Variants in PKHD1L1 observed in about 807,000 individuals in gnomAD.
PKHD1L1 encodes the protein fibrocystin-L.
PKHD1L1 carries 434 observed loss-of-function variants against 462.9 expected under a neutral mutation model. The observed-to-expected ratio is 0.94, with a 90% CI of 0.87 to 1.02. The LOEUF (loss-of-function observed/expected upper bound fraction) is 1.02. Ranked by LOEUF, PKHD1L1 falls within the 50% of genes least tolerant of loss-of-function variation. PKHD1L1 has a pLI of 0.00. For synonymous variants in PKHD1L1, 1,781 were observed against 1,750.0 expected (o/e 1.02, Z -0.44); for missense variants, 5,202 against 5,096.1 (o/e 1.02, Z -0.63).
chr8:109,483,242 G>A (rs1006403356), intron 57 of PKHD1L1, 137 bp downstream of exon 57: 36 of 589,676 alleles, frequency 6.1e-5, no homozygotes, highest in Non-Finnish European at 9.6e-5. Context: ...CAATAAGCTT[G>A]CAAAAATGTA....
At position 109,465,081 on chromosome 8, in the gene PKHD1L1, A is replaced by G. The variant is rs1164097628; in HGVS notation, c.8249A>G (p.Asn2750Ser). ...SVHFMNFDRP[N>S]CVALGVTSIS... ...CACTTTATGAACTTTGACCGTCCCA[A>G]CTGTGTAGCTTTGGGAGTGACATCC... The change falls in exon 49 of 78, where the codon AAC becomes AGC. Residue 2750 changes from asparagine to serine, a missense_variant. By Grantham distance (46) the Asn-to-Ser change is conservative. Coordinates refer to ENST00000378402, the MANE Select transcript of PKHD1L1 (RefSeq NM_177531.6). 2 of 1,613,684 alleles carry G rather than the reference A, an allele frequency of 1.2e-6. No individual in the cohort carries two copies. Among genetic ancestry groups the G allele is most frequent in the Non-Finnish European group, 1.7e-6 (2 of 1,179,792 alleles).
chr8:109,415,565 G>A (rs1182467676), intron 21 of PKHD1L1, among the ~76,000 whole-genome samples: 2 of 152,082 alleles, frequency 1.3e-5, no homozygotes, highest in Admixed American at 6.5e-5. Context: ...TGGCAGAAAG[G>A]TGACAAAAGA....
At position 109,451,152 on chromosome 8, in the gene PKHD1L1, ACT is replaced by A; in HGVS notation, c.6350+4_6350+5del. On this transcript the variant is annotated splice_donor_5th_base_variant and intron_variant, in intron 41 of 77. Transcript: ENST00000378402. ...ACAGTCGTGGGATCAGGATTCAGGT[ACT>A]GTCTCCACACAAACACGCATCATTG... 6.3e-7 allele frequency: 1 copy of A among 1,597,422 alleles called. No individual in the cohort carries two copies. Among genetic ancestry groups the A allele is most frequent in the Non-Finnish European group, 8.5e-7 (1 of 1,170,004 alleles).
intron 68 of PKHD1L1, among the ~76,000 whole-genome samples, chr8:109,506,530 A>T (rs911627622): frequency 6.6e-6 from 1 of 152,186 alleles, no homozygotes; most frequent in Non-Finnish European, 1.5e-5. Context: ...ACAAAAATCC[A>T]TATCTCAGGC....
chr8:109,496,528 C>T (rs945289143), intron 63 of PKHD1L1, among the ~76,000 whole-genome samples: 1 of 152,182 alleles, frequency 6.6e-6, no homozygotes, highest in Non-Finnish European at 1.5e-5. Context: ...TGTGTTAACA[C>T]TAAACTTTTG....
In PKHD1L1 at chr8:109,523,373, T is replaced by C; in HGVS notation, c.12471T>C (p.Thr4157=). The C allele has an allele frequency of 1.9e-6, 3 of 1,612,856 alleles. No individual in the cohort carries two copies. The highest frequency in any genetic ancestry group is 2.5e-6 in the Non-Finnish European group (3 of 1,179,056). The change falls in exon 76 of 78, where the codon ACT becomes ACC. Residue 4157 remains threonine, a synonymous_variant. Coordinates refer to ENST00000378402, the MANE Select transcript of PKHD1L1 (RefSeq NM_177531.6). ...SSCWANYTDL[T]PLRTGKNYKI... Reference sequence around the variant, plus strand: ...GTTGGGCCAACTACACAGACCTTACTCCCCTTAGAACAGGTGGGTGCACTA... The same window carrying C: ...GTTGGGCCAACTACACAGACCTTACCCCCCTTAGAACAGGTGGGTGCACTA...
rs374391746 is a variant in PKHD1L1, at chr8:109,456,245, G to A, written c.6875-17G>A. ...AAACACATGTAAGGAAATACTCAGT[G>A]TGTATGTTGGTTCTAGGTGTGCCTG... On this transcript the variant is annotated splice_polypyrimidine_tract_variant and intron_variant, in intron 45 of 77. Coordinates refer to ENST00000378402, the MANE Select transcript of PKHD1L1 (RefSeq NM_177531.6). The A allele has an allele frequency of 1.9e-6, 3 of 1,606,490 alleles. No individual in the cohort carries two copies. The highest frequency in any genetic ancestry group is 2.7e-5 in the African/African-American group (2 of 74,562).
At chr8:109,374,399 C>A (rs1323250654) in intron 2 of PKHD1L1, among the ~76,000 whole-genome samples, 1 of 152,142 alleles carries the variant, frequency 6.6e-6, no homozygotes, top group Non-Finnish European at 1.5e-5. Flanking sequence ...TGTGTCTCTG[C>A]ACATGAGATG....
At chr8:109,475,031 AAACT>A (rs1420444748) in intron 50 of PKHD1L1, 83 bp from the exon 51 acceptor site, 1 of 1,299,206 alleles carries the variant, frequency 7.7e-7, no homozygotes, top group Non-Finnish European at 1.0e-6. Context: ...CAACCAAACT[AAACT>A]AACTTTTGCA....
chr8:109,483,054 T>C lies in PKHD1L1; in HGVS notation c.9525T>C (p.Thr3175=), dbSNP rs1219150562. 5.6e-5 allele frequency: 89 copies of C among 1,601,812 alleles called. No individual in the cohort carries two copies. The highest frequency in any genetic ancestry group is 6.6e-5 in the Non-Finnish European group (77 of 1,174,208). ...TATATAAAACTAAGCTCTCAGAAAC[T>C]GCATTTGCAGGTTCCAAAGTCCTGT... is the stretch of plus-strand genomic sequence containing the variant. ...HSIYKTKLSE[T]AFAGSKVLSL... is the part of the protein sequence containing the mutation. Residue 3175 remains threonine, a synonymous_variant, in exon 57 of 78, where the codon ACT becomes ACC. Coordinates refer to ENST00000378402, the MANE Select transcript of PKHD1L1 (RefSeq NM_177531.6).
intron 67 of PKHD1L1, among the ~76,000 whole-genome samples, chr8:109,501,266 T>A (rs1819397083): frequency 6.6e-6 from 1 of 152,208 alleles, no homozygotes; most frequent in African/African-American, 2.4e-5. Context: ...CTATATTGTA[T>A]GATTGGAGCA....
Position 109,476,494 on chromosome 8 carries a change from A to G in PKHD1L1, c.8758-14A>G, listed in dbSNP as rs777376229. On this transcript the variant is annotated splice_polypyrimidine_tract_variant and intron_variant, in intron 51 of 77. Coordinates refer to ENST00000378402, the MANE Select transcript of PKHD1L1 (RefSeq NM_177531.6). ...ATTAACATACAAGTCACATTTTTCT[A>G]TAAACTTTTATAGGAAGAAGACTAT... 7.1e-7 allele frequency: 1 copy of G among 1,400,952 alleles called. No homozygotes were observed. Among genetic ancestry groups the G allele is most frequent in the Non-Finnish European group, 9.6e-7 (1 of 1,038,028 alleles). 86.8% of individuals were successfully genotyped at this position (1,400,952 alleles called of 1,614,324 possible). A position where few individuals can be genotyped will look rare whatever the true frequency, so the allele number is the denominator to read the frequency against.
intron 57 of PKHD1L1, among the ~76,000 whole-genome samples, 159 bp downstream of exon 57, chr8:109,483,264 G>T (rs1818361740): frequency 6.6e-6 from 1 of 151,478 alleles, no homozygotes; most frequent in South Asian, 2.1e-4. Flanking sequence ...CCGATAGGAG[G>T]CATTTAAAAA....
At chr8:109,383,494 ATATT>A (rs1586398791) in intron 4 of PKHD1L1, among the ~76,000 whole-genome samples, 1 of 135,936 alleles carries the variant, frequency 7.4e-6, no homozygotes, top group African/African-American at 2.7e-5. Flanking sequence ...TTTTATATAA[ATATT>A]TATATATAAA....
rs369928128 is a variant in PKHD1L1 at position 109,491,851 on chromosome 8, CTT to C, written c.10115-16_10115-15del. Reference sequence around the variant, plus strand: ...CTTATGTTTTTTGGGGATTTTCTTTCTTTTTTTCTTTTTTTAAACAGGCATAA... The same window carrying C: ...CTTATGTTTTTTGGGGATTTTCTTTCTTTTTCTTTTTTTAAACAGGCATAA... On this transcript the variant is annotated intron_variant, in intron 61 of 77. Transcript: ENST00000378402. 7.2e-6 allele frequency: 11 copies of C among 1,529,748 alleles called. No homozygotes were observed. Among genetic ancestry groups the C allele is most frequent in the African/African-American group, 4.6e-5 (3 of 64,880 alleles). The allele number at this position is 1,529,748 out of a possible 1,614,324, so 94.8% of individuals were successfully genotyped here.
chr8:109,520,812 T>G (rs1820513411), intron 73 of PKHD1L1, among the ~76,000 whole-genome samples: 1 of 152,122 alleles, frequency 6.6e-6, no homozygotes, highest in South Asian at 2.1e-4. Flanking sequence ...GGCCTTCAAG[T>G]TAAGGTCTTT....
chr8:109,512,677 G>T (rs529211610), intron 71 of PKHD1L1, among the ~76,000 whole-genome samples: 1 of 151,922 alleles, frequency 6.6e-6, no homozygotes, highest in African/African-American at 2.4e-5. Flanking sequence ...TTGGCGTTGC[G>T]GGCTCTTTTT....
intron 65 of PKHD1L1, among the ~76,000 whole-genome samples, chr8:109,497,474 CCAGGCTGGAGTG>C (rs1819165938): frequency 1.3e-5 from 2 of 150,054 alleles, no homozygotes; most frequent in Non-Finnish European, 3.0e-5. Context: ...GCTCCGTAGC[CCAGGCTGGAGTG>C]CAGTGGCACA....
intron 70 of PKHD1L1, among the ~76,000 whole-genome samples, chr8:109,510,055 G>A (rs1386961397): frequency 6.6e-6 from 1 of 152,008 alleles, no homozygotes; most frequent in Non-Finnish European, 1.5e-5. Context: ...CTTTCTAGAG[G>A]GTTTGATAGA....
Sources: gnomAD v4.1 joint callset for allele counts (sites outside exome capture counted in the v4.1 genomes callset) on GRCh38, gnomAD v4.1.1 for gene constraint, MANE v1.5 for transcripts, NCBI Gene and HGNC (gene_info 2026-07-23, HGNC 2026-07-21) for gene names.